Variants in FBLN7 observed in about 807,000 individuals in gnomAD.
The protein encoded by FBLN7 is fibulin-7.
A neutral mutation model predicts 44.0 loss-of-function variants in FBLN7; 31 were observed. The ratio of observed to expected loss-of-function variants is 0.70; its 90% CI spans 0.53 to 0.95. The LOEUF (loss-of-function observed/expected upper bound fraction) is 0.95. Among genes scored for constraint, FBLN7 ranks in the 40% least tolerant of loss-of-function variants. The pLI, the probability that FBLN7 is intolerant of heterozygous loss-of-function variation, is 0.00. For synonymous variants in FBLN7, 262 were observed against 253.4 expected (o/e 1.03, Z -0.32); for missense variants, 573 against 618.5 (o/e 0.93, Z 0.78).
intron 1 of FBLN7, among the ~76,000 whole-genome samples, chr2:112,141,055 G>A (rs1680622073): frequency 6.6e-6 from 1 of 152,240 alleles, no homozygotes; most frequent in Admixed American, 6.5e-5. Context: ...GCCCTGGCAA[G>A]CCAGGGTGAG....
At chr2:112,172,057 A>G (rs917535966) in intron 3 of FBLN7, among the ~76,000 whole-genome samples, 4 of 152,358 alleles carry the variant, frequency 2.6e-5, no homozygotes, top group African/African-American at 9.6e-5. Context: ...ACCATTAAGC[A>G]TCTTAAAAGA....
intron 1 of FBLN7, among the ~76,000 whole-genome samples, chr2:112,150,077 T>C (rs1297445900): frequency 6.6e-6 from 1 of 152,206 alleles, no homozygotes; most frequent in East Asian, 1.9e-4. Flanking sequence ...GAGCCACCCT[T>C]GGCCCCGTTC....
the FBLN7 span, among the ~76,000 whole-genome samples, chr2:112,224,856 C>T: frequency 6.6e-6 from 1 of 152,168 alleles, no homozygotes; most frequent in Non-Finnish European, 1.5e-5. Flanking sequence ...TCACAGGGAA[C>T]ATTCTGGGGT....
intron 1 of FBLN7, among the ~76,000 whole-genome samples, chr2:112,157,169 A>G (rs1054463994): frequency 6.6e-6 from 1 of 152,232 alleles, no homozygotes; most frequent in Non-Finnish European, 1.5e-5. Flanking sequence ...CAGGAGTTCG[A>G]GACCAGCCTG....
In FBLN7 at chr2:112,187,496, A is replaced by G. The variant is rs367632309; in HGVS notation, c.1310A>G (p.Tyr437Cys). 9.3e-6 allele frequency: 15 copies of G among 1,613,818 alleles called. No homozygotes were observed. Among genetic ancestry groups the G allele is most frequent in the Non-Finnish European group, 1.2e-5 (14 of 1,179,968 alleles). The change falls in exon 8 of 8, where the codon TAT becomes TGT. Residue 437 changes from tyrosine to cysteine, a missense_variant. Physicochemically the swap from Tyr to Cys is radical, Grantham distance 194. Coordinates refer to ENST00000331203, the MANE Select transcript of FBLN7 (RefSeq NM_153214.3). This position sits in a 1 kb window ranked among gnomAD's most constrained non-coding sequence, Gnocchi z 5.1. The part of the protein sequence containing the change: ...VSKVTIFVSP[Y>C]DF ...AAGGTCACCATCTTTGTATCCCCCTATGACTTCTGAGGGTACACAGGGGCA... is the reference window on the plus strand; with the variant it reads ...AAGGTCACCATCTTTGTATCCCCCTGTGACTTCTGAGGGTACACAGGGGCA...
intron 3 of FBLN7, among the ~76,000 whole-genome samples, chr2:112,167,869 C>CGTTATGATATGTTAT (rs1682242468): frequency 7.5e-6 from 1 of 132,826 alleles, no homozygotes; most frequent in Non-Finnish European, 1.6e-5. Flanking sequence ...AGGAAAGACA[C>CGTTATGATATGTTAT]GTTATGTTAT....
chr2:112,205,086 C>T, the FBLN7 span, among the ~76,000 whole-genome samples: 1 of 152,048 alleles, frequency 6.6e-6, no homozygotes, highest in Non-Finnish European at 1.5e-5. Context: ...CAGGTTTTCA[C>T]TGTCTACTAT....
At chr2:112,145,928 G>C (rs1680879539) in intron 1 of FBLN7, among the ~76,000 whole-genome samples, 2 of 152,150 alleles carry the variant, frequency 1.3e-5, no homozygotes, top group African/African-American at 4.8e-5. Flanking sequence ...GAGTAAAGTG[G>C]GTCCTCCAAC....
intron 1 of FBLN7, among the ~76,000 whole-genome samples, chr2:112,139,893 C>G (rs1199495859): frequency 1.1e-5 from 1 of 89,842 alleles, no homozygotes; most frequent in Non-Finnish European, 2.2e-5. Flanking sequence ...CAGTGTCCCT[C>G]CCGCCTCTCT....
At chr2:112,209,521 T>C in the FBLN7 span, among the ~76,000 whole-genome samples, 2 of 152,100 alleles carry the variant, frequency 1.3e-5, no homozygotes, top group African/African-American at 2.4e-5. Flanking sequence ...AGAAATAATT[T>C]AATGGGCCCA....
chr2:112,146,161 A>G (rs1680888290), intron 1 of FBLN7, among the ~76,000 whole-genome samples: 1 of 152,186 alleles, frequency 6.6e-6, no homozygotes, highest in South Asian at 2.1e-4. Context: ...TCTGTACTAA[A>G]AATGCATAAT....
chr2:112,209,733 A>G, the FBLN7 span, among the ~76,000 whole-genome samples: 1 of 152,152 alleles, frequency 6.6e-6, no homozygotes, highest in East Asian at 1.9e-4. Context: ...TAGGAACCCT[A>G]TATAGGGAAG....
At chr2:112,227,678 T>C in the FBLN7 span, among the ~76,000 whole-genome samples, 7 of 152,206 alleles carry the variant, frequency 4.6e-5, no homozygotes, top group African/African-American at 1.7e-4. Context: ...TTCTACATAC[T>C]ACCAATGAAC....
At chr2:112,222,263 G>A in the FBLN7 span, among the ~76,000 whole-genome samples, 2 of 152,146 alleles carry the variant, frequency 1.3e-5, no homozygotes, top group Non-Finnish European at 2.9e-5. Flanking sequence ...GCCCTAATCT[G>A]TTGTTGTCTG....
At chr2:112,231,756 A>T in the FBLN7 span, 1 of 803,416 alleles carries the variant, frequency 1.2e-6, no homozygotes, top group Non-Finnish European at 1.9e-6. Flanking sequence ...CACTCTCCTT[A>T]ATTATCTTCA....
chr2:112,218,184 T>G, the FBLN7 span, among the ~76,000 whole-genome samples: 1 of 152,226 alleles, frequency 6.6e-6, no homozygotes, highest in African/African-American at 2.4e-5. Flanking sequence ...CTTCCCATTC[T>G]CTAGGCATAA....
chr2:112,240,992 T>TGTGTGCGC, the FBLN7 span, among the ~76,000 whole-genome samples: 1 of 143,736 alleles, frequency 7.0e-6, no homozygotes, highest in African/African-American at 2.6e-5. Context: ...TGTGCGCGTG[T>TGTGTGCGC]GTATGTGTGT....
At chr2:112,211,178 A>C in the FBLN7 span, among the ~76,000 whole-genome samples, 1 of 152,214 alleles carries the variant, frequency 6.6e-6, no homozygotes, top group Non-Finnish European at 1.5e-5. Flanking sequence ...AGTCTCTTTA[A>C]AGGGCTCACC....
chr2:112,146,148 C>T (rs1251939895), intron 1 of FBLN7, among the ~76,000 whole-genome samples: 1 of 152,170 alleles, frequency 6.6e-6, no homozygotes, highest in African/African-American at 2.4e-5. Flanking sequence ...TGGTGAAACC[C>T]CGTCTGTACT....
Sources: gnomAD v4.1 joint callset for allele counts (sites outside exome capture counted in the v4.1 genomes callset) on GRCh38, gnomAD v4.1.1 for gene constraint, Gnocchi (gnomAD v3.1) non-coding constraint, MANE v1.5 for transcripts, NCBI Gene and HGNC (gene_info 2026-07-23, HGNC 2026-07-21) for gene names.